Variants in INVS observed in about 807,000 individuals in gnomAD.
INVS encodes the protein inversin.
A neutral mutation model predicts 108.8 loss-of-function variants in INVS; 86 were observed. The ratio of observed to expected loss-of-function variants is 0.79; its 90% CI spans 0.66 to 0.95. INVS has a LOEUF of 0.95. Among genes scored for constraint, INVS ranks in the 40% least tolerant of loss-of-function variants. The probability of loss-of-function intolerance (pLI) is 0.00; values close to 1 mark genes in which losing one functional copy is unlikely to be tolerated. For missense variants in INVS, 1,169 were observed against 1,297.4 expected (o/e 0.90, Z 1.52); for synonymous variants, 455 against 473.5 (o/e 0.96, Z 0.51).
chr9:100,267,722 G>C (rs1484612906), intron 11 of INVS, among the ~76,000 whole-genome samples: 1 of 152,178 alleles, frequency 6.6e-6, no homozygotes, highest in African/African-American at 2.4e-5. Flanking sequence ...AGATTCAGTA[G>C]TAATAATCAC....
At chr9:100,101,203 T>TA (rs901034499) in intron 1 of INVS, 2 of 150,266 alleles carry the variant, frequency 1.3e-5, no homozygotes, top group Non-Finnish European at 2.9e-5. Flanking sequence ...TGACAGGTCT[T>TA]AGAGTTTAGA....
chr9:100,274,545 C>T (rs1003080264), intron 12 of INVS, among the ~76,000 whole-genome samples: 2 of 152,166 alleles, frequency 1.3e-5, no homozygotes. Context: ...CTCGCTGTCA[C>T]TCAGGCTGGA....
chr9:100,148,316 T>C (rs1176531311), intron 3 of INVS, among the ~76,000 whole-genome samples: 2 of 152,136 alleles, frequency 1.3e-5, no homozygotes, highest in Non-Finnish European at 2.9e-5. Context: ...GGAGAAAGCT[T>C]TTATTATGTA....
chr9:100,297,810 C>G (rs574085023), intron 15 of INVS, 126 bp from the exon 16 acceptor site: 1 of 934,294 alleles, frequency 1.1e-6, no homozygotes, highest in East Asian at 2.4e-5. Context: ...TGTTTCCACA[C>G]CATACCTAAC....
chr9:100,257,110 A>G (rs1291554829), intron 10 of INVS, among the ~76,000 whole-genome samples: 1 of 152,188 alleles, frequency 6.6e-6, no homozygotes, highest in African/African-American at 2.4e-5. Flanking sequence ...GGGTGCATAT[A>G]TATTTAGGAT....
chr9:100,209,577 T>C (rs575167804), intron 3 of INVS, among the ~76,000 whole-genome samples: 1 of 152,236 alleles, frequency 6.6e-6, no homozygotes, highest in East Asian at 1.9e-4. Context: ...GAGACCATCC[T>C]GGCTAACACA....
At chr9:100,127,902 A>G (rs1827936681) in intron 3 of INVS, among the ~76,000 whole-genome samples, 1 of 152,116 alleles carries the variant, frequency 6.6e-6, no homozygotes, top group Admixed American at 6.5e-5. Context: ...GAGAAAGGTA[A>G]CTCCATTTAA....
rs555824137 is a variant in INVS, at chr9:100,256,453, G to C, written c.1464+3317G>C. Among the ~76,000 whole-genome samples, 8 of 152,172 alleles carry C rather than the reference G, an allele frequency of 5.3e-5. No homozygotes were observed. In the South Asian group the frequency reaches 1.7e-3, roughly 32 times the overall value. On this transcript the variant is annotated intron_variant, in intron 10 of 16. Transcript: ENST00000262457. The stretch of plus-strand genomic sequence containing the variant: ...TGATCTTAGTTATTTCTTGCCTTCT[G>C]CTAGCTTTTGAATGTGGTTGCTCTT...
Position 100,253,097 on chromosome 9 carries a change from C to T in INVS, c.1425C>T (p.Leu475=). The change falls in exon 10 of 17, where the codon CTC becomes CTT. Residue 475 remains leucine (L), a synonymous_variant. Transcript: ENST00000262457. ...GCTATATCAACTGCATGGCAGTTCT[C>T]ATGGAAAACAATGCAGACCCTAACA... ...YGGYINCMAV[L]MENNADPNIQ... 1 of 1,613,760 alleles carries T rather than the reference C, an allele frequency of 6.2e-7. No homozygotes were observed. The highest frequency in any genetic ancestry group is 8.5e-7 in the Non-Finnish European group (1 of 1,179,756).
intron 3 of INVS, among the ~76,000 whole-genome samples, chr9:100,202,699 G>A (rs1830567312): frequency 6.6e-6 from 1 of 152,174 alleles, no homozygotes; most frequent in Non-Finnish European, 1.5e-5. Flanking sequence ...AGAAGTTGCT[G>A]CACCTCCAAA....
chr9:100,134,798 G>A (rs1828170838), intron 3 of INVS, among the ~76,000 whole-genome samples: 1 of 152,146 alleles, frequency 6.6e-6, no homozygotes, highest in African/African-American at 2.4e-5. Flanking sequence ...ACCAACAGGT[G>A]AATGAGTAGC....
intron 3 of INVS, among the ~76,000 whole-genome samples, chr9:100,167,992 T>C (rs1371493679): frequency 2.0e-5 from 3 of 152,164 alleles, no homozygotes; most frequent in African/African-American, 7.2e-5. Context: ...CTCCTGCTTG[T>C]ACTTCATAGA....
intron 7 of INVS, 105 bp from the exon 8 acceptor site, chr9:100,246,511 A>G: frequency 2.6e-6 from 2 of 765,874 alleles, no homozygotes; most frequent in South Asian, 3.4e-5. Flanking sequence ...AAGCAAGGGG[A>G]AAATGCTTTG....
intron 1 of INVS, chr9:100,101,221 C>G (rs1826978076): frequency 6.7e-6 from 1 of 150,240 alleles, no homozygotes; most frequent in Admixed American, 6.8e-5. Context: ...AGAACAGTGC[C>G]TAGCACATAG....
intron 10 of INVS, among the ~76,000 whole-genome samples, chr9:100,261,197 T>C (rs1458926908): frequency 1.3e-5 from 2 of 152,142 alleles, no homozygotes; most frequent in Non-Finnish European, 2.9e-5. Flanking sequence ...AGATTGTTAC[T>C]GTATGTAAAA....
chr9:100,201,987 C>G lies in INVS; in HGVS notation c.274-24075C>G, dbSNP rs139679615. Among the ~76,000 whole-genome samples the G allele has an allele frequency of 1.1e-4, 16 of 152,240 alleles. No homozygotes were observed. The East Asian group carries it at 3.1e-3, about 29-fold the overall frequency. ...CATACAAGCAAGTCTGGCCATAGTG[C>G]TTCTCATATTCAGAGGCGGGTACAG... On this transcript the variant is annotated intron_variant, in intron 3 of 16. Transcript: ENST00000262457.
At chr9:100,232,910 A>T (rs960796588) in intron 5 of INVS, among the ~76,000 whole-genome samples, 2 of 152,096 alleles carry the variant, frequency 1.3e-5, no homozygotes, top group Non-Finnish European at 2.9e-5. Context: ...TGGTAGCTTG[A>T]TGGAAATAGC....
At chr9:100,117,912 CT>C (rs1827597565) in intron 2 of INVS, among the ~76,000 whole-genome samples, 2 of 152,148 alleles carry the variant, frequency 1.3e-5, no homozygotes, top group South Asian at 4.2e-4. Flanking sequence ...CTCAAGCCCT[CT>C]TTTTCATGTG....
At chr9:100,232,665 G>C (rs1272902761) in intron 5 of INVS, among the ~76,000 whole-genome samples, 1 of 152,134 alleles carries the variant, frequency 6.6e-6, no homozygotes, top group Non-Finnish European at 1.5e-5. Context: ...GATGATTGTA[G>C]ATGTGTGACA....
Sources: allele counts gnomAD v4.1 joint callset (sites outside exome capture counted in the v4.1 genomes callset), GRCh38; gene constraint gnomAD v4.1.1; transcripts MANE v1.5; gene names NCBI Gene and HGNC (gene_info 2026-07-23, HGNC 2026-07-21).